Variants in FCHSD2 observed in about 807,000 individuals in gnomAD.
FCHSD2 encodes the protein FCH and double SH3 domains 2.
FCHSD2 carries 38 observed loss-of-function variants against 108.1 expected under a neutral mutation model. That is an observed-to-expected ratio of 0.35 (90% CI 0.27 to 0.46). The LOEUF is 0.46. FCHSD2 is among the 20% of genes least tolerant of loss of function. The probability of loss-of-function intolerance (pLI) is 1.00; values close to 1 mark genes in which losing one functional copy is unlikely to be tolerated. For synonymous variants in FCHSD2, 279 were observed against 314.7 expected (o/e 0.89, Z 1.20); for missense variants, 751 against 897.8 (o/e 0.84, Z 2.09).
intron 9 of FCHSD2, among the ~76,000 whole-genome samples, chr11:72,906,723 C>T (rs1326640782): frequency 6.6e-6 from 1 of 152,160 alleles, no homozygotes; most frequent in Non-Finnish European, 1.5e-5. Flanking sequence ...TATCAAAGAT[C>T]AGATGGTTGT....
At chr11:73,128,622 A>C (rs984849327) in intron 2 of FCHSD2, among the ~76,000 whole-genome samples, 7 of 152,206 alleles carry the variant, frequency 4.6e-5, no homozygotes, top group Non-Finnish European at 1.0e-4. Context: ...GCATAAGGAG[A>C]AATTGTCCTG....
intron 12 of FCHSD2, among the ~76,000 whole-genome samples, chr11:72,873,239 G>A (rs2135216958): frequency 6.6e-6 from 1 of 151,904 alleles, no homozygotes; most frequent in Non-Finnish European, 1.5e-5. Context: ...TGAGGCAGGA[G>A]AATCGCTTGA....
At chr11:72,881,910 G>T (rs1855096221) in intron 12 of FCHSD2, among the ~76,000 whole-genome samples, 1 of 152,202 alleles carries the variant, frequency 6.6e-6, no homozygotes, top group Admixed American at 6.5e-5. Context: ...GGGAGGCCGA[G>T]GGGGGCGAAT....
rs538260106 is a variant in FCHSD2, at chr11:72,994,181, C to A, written c.388-5084G>T. Reference sequence around the variant, plus strand: ...AGTGGGAGAATTATTTCCATTAATGCTAGATGCTTCCCTACTGGCAAATTG... The same window carrying A: ...AGTGGGAGAATTATTTCCATTAATGATAGATGCTTCCCTACTGGCAAATTG... On this transcript the variant is annotated intron_variant, in intron 5 of 19. Transcript: ENST00000409418. Among the ~76,000 whole-genome samples the A allele has an allele frequency of 4.0e-4, 61 of 152,252 alleles. No homozygotes were observed. In the Middle Eastern group the frequency reaches 0.014, roughly 34 times the overall value.
intron 8 of FCHSD2, 27 bp downstream of exon 8, chr11:72,984,061 T>C: frequency 6.3e-7 from 1 of 1,582,730 alleles, no homozygotes; most frequent in Non-Finnish European, 8.6e-7. Flanking sequence ...TGAAGTAAAA[T>C]TACCATAGAT....
At chr11:73,087,735 T>G (rs1396331754) in intron 2 of FCHSD2, among the ~76,000 whole-genome samples, 1 of 151,992 alleles carries the variant, frequency 6.6e-6, no homozygotes, top group Non-Finnish European at 1.5e-5. Context: ...TAAAATAAAT[T>G]TAGTGCAGCC....
chr11:73,009,050 A>G (rs1857803581), intron 4 of FCHSD2, among the ~76,000 whole-genome samples: 1 of 152,130 alleles, frequency 6.6e-6, no homozygotes, highest in Non-Finnish European at 1.5e-5. Flanking sequence ...TAAAAAAAAA[A>G]AAGGTCCAAG....
At chr11:73,134,837 T>C (rs1861085167) in intron 2 of FCHSD2, among the ~76,000 whole-genome samples, 1 of 151,902 alleles carries the variant, frequency 6.6e-6, no homozygotes, top group Non-Finnish European at 1.5e-5. Context: ...GGGGGGGAGT[T>C]TGTTTTTTGG....
chr11:72,856,912 T>G (rs10751217), intron 13 of FCHSD2, among the ~76,000 whole-genome samples: 152,203 of 152,302 alleles, frequency 1, 76,052 homozygotes, highest in Non-Finnish European at 1. Context: ...TCTAGGAAAG[T>G]TTACAGGCAT....
intron 10 of FCHSD2, among the ~76,000 whole-genome samples, chr11:72,893,754 A>T (rs1855366287): frequency 2.0e-5 from 3 of 152,172 alleles, no homozygotes; most frequent in Admixed American, 6.5e-5. Flanking sequence ...TCTCCAAAAA[A>T]AAAAAAAACT....
At chr11:73,005,730 C>T (rs934459687) in intron 4 of FCHSD2, among the ~76,000 whole-genome samples, 5 of 152,128 alleles carry the variant, frequency 3.3e-5, no homozygotes, top group Admixed American at 2.0e-4. Context: ...TAGCCTCAAA[C>T]GCCTGGGCTC....
At chr11:72,978,637 G>A (rs1304782480) in intron 8 of FCHSD2, among the ~76,000 whole-genome samples, 1 of 152,046 alleles carries the variant, frequency 6.6e-6, no homozygotes, top group Non-Finnish European at 1.5e-5. Context: ...CCCTGATGCT[G>A]TTCTCATGAT....
At chr11:72,864,895 A>G (rs1156891815) in intron 13 of FCHSD2, among the ~76,000 whole-genome samples, 5 of 152,150 alleles carry the variant, frequency 3.3e-5, no homozygotes, top group African/African-American at 9.7e-5. Context: ...GGCTCCAGAC[A>G]CCTGCAACTG....
At chr11:73,031,301 CCT>C (rs1353615199) in intron 3 of FCHSD2, among the ~76,000 whole-genome samples, 4 of 151,928 alleles carry the variant, frequency 2.6e-5, no homozygotes, top group Non-Finnish European at 2.9e-5. Context: ...ATAACGAAAC[CCT>C]GTCTCTATCA....
At chr11:73,020,429 C>T (rs1858073788) in intron 3 of FCHSD2, among the ~76,000 whole-genome samples, 1 of 152,126 alleles carries the variant, frequency 6.6e-6, no homozygotes, top group Admixed American at 6.5e-5. Flanking sequence ...TTTTGGAAAC[C>T]ATATTCTTTA....
intron 2 of FCHSD2, among the ~76,000 whole-genome samples, chr11:73,116,877 GTCAAT>G (rs965759710): frequency 6.6e-6 from 1 of 151,998 alleles, no homozygotes; most frequent in African/African-American, 2.4e-5. Flanking sequence ...TTGTTTCATG[GTCAAT>G]TCAAGTTCCT....
intron 3 of FCHSD2, among the ~76,000 whole-genome samples, chr11:73,068,858 C>CA (rs1649802611): frequency 1.7e-5 from 2 of 115,448 alleles, no homozygotes; most frequent in Admixed American, 8.2e-5. Context: ...ATTAAAAAAA[C>CA]AAAAAAATCA....
intron 3 of FCHSD2, among the ~76,000 whole-genome samples, chr11:73,031,380 GT>G (rs1858356518): frequency 1.3e-5 from 2 of 151,968 alleles, no homozygotes; most frequent in African/African-American, 4.8e-5. Context: ...GGAGGCTGAG[GT>G]GGGAGGATCA....
chr11:72,849,776 G>T lies in FCHSD2; in HGVS notation c.1422C>A (p.Cys474Ter). ...SGTLRNYPLTCKVVYSYKASQ... is the reference protein window; with the variant it reads ...SGTLRNYPLT ...AAACCTTGTAGGAATAAACAACTTT[G>T]CAGGTGAGTGGATAATTTCTTAAGG... The change falls in exon 14 of 20, where the codon TGC becomes TGA. Residue 474 changes from cysteine (C) to a stop codon, truncating the protein, a stop_gained. Coordinates refer to ENST00000409418, the MANE Select transcript of FCHSD2 (RefSeq NM_014824.3). LOFTEE classifies it high-confidence loss of function. 1 of 1,611,592 alleles carries T rather than the reference G, an allele frequency of 6.2e-7. No homozygotes were observed. The highest frequency in any genetic ancestry group is 8.5e-7 in the Non-Finnish European group (1 of 1,178,246).
Sources: gnomAD v4.1 joint callset for allele counts (sites outside exome capture counted in the v4.1 genomes callset) on GRCh38, gnomAD v4.1.1 for gene constraint, MANE v1.5 for transcripts, NCBI Gene and HGNC (gene_info 2026-07-23, HGNC 2026-07-21) for gene names.